FAM168A: variants seen among roughly 807,000 people sequenced by gnomAD.
The protein encoded by FAM168A is family with sequence similarity 168 member A.
FAM168A carries 3 observed loss-of-function variants against 28.5 expected under a neutral mutation model. That is an observed-to-expected ratio of 0.11 (90% CI 0.05 to 0.27). The LOEUF (loss-of-function observed/expected upper bound fraction) is 0.27. FAM168A is among the 10% of genes least tolerant of loss of function. The pLI, the probability that FAM168A is intolerant of heterozygous loss-of-function variation, is 1.00. For missense variants in FAM168A, 222 were observed against 311.5 expected, an observed-to-expected ratio of 0.71 and a Z score of 2.16; for synonymous variants, 122 against 124.2, an observed-to-expected ratio of 0.98 and a Z score of 0.12.
intron 1 of FAM168A, among the ~76,000 whole-genome samples, chr11:73,475,506 T>C (rs1867876006): frequency 6.6e-6 from 1 of 152,106 alleles, no homozygotes; most frequent in African/African-American, 2.4e-5. Context: ...AAAGAGGATA[T>C]GGTCTACCTA....
intron 1 of FAM168A, among the ~76,000 whole-genome samples, chr11:73,591,320 T>C (rs567757487): frequency 6.6e-6 from 1 of 152,318 alleles, no homozygotes; most frequent in Non-Finnish European, 1.5e-5. Context: ...ATGCCTCAGT[T>C]GCTTCAGTTT....
At position 73,474,291 on chromosome 11, in the gene FAM168A, G is replaced by A. The variant is rs572710279; in HGVS notation, c.-18-5799C>T. On this transcript the variant is annotated intron_variant, in intron 1 of 7. Coordinates refer to ENST00000356467, the MANE Select transcript of FAM168A (RefSeq NM_015159.3). ...GCTATATCATCCCATGGAAGGGCAA[G>A]AGAGAGAATCTATTCCTGAAAGCCT... 7.2e-5 allele frequency among the ~76,000 whole-genome samples: 11 copies of A among 152,186 alleles called. 1 individual carries two copies. Among genetic ancestry groups the A allele is most frequent in the Admixed American group, 3.9e-4 (6 of 15,290 alleles).
At chr11:73,544,214 C>T (rs912385753) in intron 1 of FAM168A, among the ~76,000 whole-genome samples, 3 of 152,158 alleles carry the variant, frequency 2.0e-5, no homozygotes, top group African/African-American at 7.2e-5. Context: ...GGGAAACGCA[C>T]ATCAAACCAA....
In FAM168A at chr11:73,401,739, A is replaced by G. The variant is rs1283171131; in HGVS notation, c.*5024T>C. ...GTCCCTTTCTAGCTTTGTGGCAGCCAGTCCCAACTCCTGTGTGCCTCGGTT... is the reference window on the plus strand; with the variant it reads ...GTCCCTTTCTAGCTTTGTGGCAGCCGGTCCCAACTCCTGTGTGCCTCGGTT... On this transcript the variant is annotated 3_prime_UTR_variant, in exon 8 of 8. Transcript: ENST00000356467. The G allele has an allele frequency of 6.6e-6, 1 of 152,278 alleles. No individual in the cohort carries two copies. Among genetic ancestry groups the G allele is most frequent in the African/African-American group, 2.4e-5 (1 of 41,448 alleles). The allele number at this position is 152,278 out of a possible 1,614,324, so 9.4% of individuals were successfully genotyped here.
chr11:73,420,666 A>G (rs1866776153), intron 3 of FAM168A, among the ~76,000 whole-genome samples: 1 of 152,148 alleles, frequency 6.6e-6, no homozygotes, highest in Non-Finnish European at 1.5e-5. Context: ...TCTCCTACTG[A>G]GGTGTTACTG....
intron 1 of FAM168A, among the ~76,000 whole-genome samples, chr11:73,596,507 T>C (rs187037486): frequency 1.3e-4 from 20 of 152,218 alleles, no homozygotes; most frequent in Admixed American, 9.8e-4. Context: ...CAAATTTTAC[T>C]AATATAAATA....
rs377279848 is a variant in FAM168A, at chr11:73,463,034, T to C, written c.70+5371A>G. ...CCCAGGCTGGAGTGCGGTGGCATGA[T>C]CTTGGCTCACTGCAACCTCCACCTC... On this transcript the variant is annotated intron_variant, in intron 2 of 7. Transcript: ENST00000356467. 2.6e-4 allele frequency among the ~76,000 whole-genome samples: 39 copies of C among 151,728 alleles called. 3 individuals are homozygous for C. The highest frequency in any genetic ancestry group is 1.6e-3 in the East Asian group (8 of 5,160).
chr11:73,483,697 G>A (rs1229895551), intron 1 of FAM168A, among the ~76,000 whole-genome samples: 1 of 152,188 alleles, frequency 6.6e-6, no homozygotes, highest in Non-Finnish European at 1.5e-5. Flanking sequence ...TTCTCTGTAT[G>A]CAGGGCTTGA....
chr11:73,419,715 C>T (rs1030126310), intron 4 of FAM168A, among the ~76,000 whole-genome samples, 159 bp downstream of exon 4: 2 of 152,132 alleles, frequency 1.3e-5, no homozygotes, highest in African/African-American at 4.8e-5. Flanking sequence ...AATGACCTTT[C>T]CTGAATAAGG....
intron 1 of FAM168A, among the ~76,000 whole-genome samples, chr11:73,588,188 G>GA (rs1944338490): frequency 6.6e-6 from 1 of 152,194 alleles, no homozygotes; most frequent in Non-Finnish European, 1.5e-5. Flanking sequence ...ACGACTGGCA[G>GA]AAAAACTATG....
At chr11:73,450,734 A>G (rs1448394393) in intron 2 of FAM168A, among the ~76,000 whole-genome samples, 1 of 150,412 alleles carries the variant, frequency 6.6e-6, no homozygotes, top group East Asian at 2.0e-4. Context: ...TATGGACCAG[A>G]CAGACCCTGA....
intron 1 of FAM168A, among the ~76,000 whole-genome samples, chr11:73,550,532 A>G (rs1417880706): frequency 6.6e-6 from 1 of 152,050 alleles, no homozygotes; most frequent in East Asian, 1.9e-4. Flanking sequence ...GCAGGTGCCT[A>G]TAGTCCTAGC....
At chr11:73,480,825 GTTCT>G (rs1239116700) in intron 1 of FAM168A, among the ~76,000 whole-genome samples, 2 of 152,200 alleles carry the variant, frequency 1.3e-5, no homozygotes, top group African/African-American at 2.4e-5. Flanking sequence ...CAAGTCCAGT[GTTCT>G]TTCTATGATA....
At chr11:73,456,752 T>C (rs1867539939) in intron 2 of FAM168A, among the ~76,000 whole-genome samples, 1 of 152,178 alleles carries the variant, frequency 6.6e-6, no homozygotes, top group South Asian at 2.1e-4. Context: ...AATTCCAGAG[T>C]CTAATCAGAA....
intron 1 of FAM168A, among the ~76,000 whole-genome samples, chr11:73,474,775 C>T (rs1867864615): frequency 6.6e-6 from 1 of 152,166 alleles, no homozygotes; most frequent in Non-Finnish European, 1.5e-5. Flanking sequence ...GCACCAAATA[C>T]ATATTAGTTG....
intron 2 of FAM168A, among the ~76,000 whole-genome samples, chr11:73,462,870 G>A (rs1418955964): frequency 6.6e-6 from 1 of 151,234 alleles, no homozygotes; most frequent in African/African-American, 2.4e-5. Flanking sequence ...CAGAAGAAAA[G>A]AGAAGAGAAG....
rs186810747 is a variant in FAM168A at position 73,511,119 on chromosome 11, G to A, written c.-18-42627C>T. ...CACAGACAACGGACAAAGCCAAATG[G>A]TGCAGAGCCCATTCAGCCCAGAGCC... is the stretch of plus-strand genomic sequence containing the variant. On this transcript the variant is annotated intron_variant, in intron 1 of 7. Transcript: ENST00000356467. Among the ~76,000 whole-genome samples the A allele has an allele frequency of 5.3e-4, 80 of 151,678 alleles. No homozygotes were observed. The East Asian group carries it at 7.4e-3, about 14-fold the overall frequency.
At chr11:73,542,383 G>A (rs1051852384) in intron 1 of FAM168A, among the ~76,000 whole-genome samples, 4 of 152,120 alleles carry the variant, frequency 2.6e-5, no homozygotes, top group Non-Finnish European at 5.9e-5. Flanking sequence ...AGTTGCTCAA[G>A]GCAAAAACCT....
intron 1 of FAM168A, among the ~76,000 whole-genome samples, chr11:73,535,031 C>T (rs1431058469): frequency 1.3e-5 from 2 of 152,144 alleles, no homozygotes; most frequent in Admixed American, 1.3e-4. Flanking sequence ...AGGATTCTTC[C>T]GGAGAATCTG....
Sources: gnomAD v4.1 joint callset for allele counts (sites outside exome capture counted in the v4.1 genomes callset) on GRCh38, gnomAD v4.1.1 for gene constraint, MANE v1.5 for transcripts, NCBI Gene and HGNC (gene_info 2026-07-23, HGNC 2026-07-21) for gene names.